The following AKAP9 variants were observed in gnomAD, a reference collection of about 807,000 sequenced individuals.
AKAP9 encodes A-kinase anchor protein 9.
A neutral mutation model predicts 488.5 loss-of-function variants in AKAP9; 311 were observed. The observed-to-expected ratio is 0.64, with a 90% CI of 0.58 to 0.70. The LOEUF (loss-of-function observed/expected upper bound fraction) is 0.70, where lower values mean the gene tolerates loss of function less well. Among genes scored for constraint, AKAP9 ranks in the 30% least tolerant of loss-of-function variants. AKAP9 has a pLI of 0.00. For missense variants in AKAP9, 4,215 were observed against 4,374.5 expected, an observed-to-expected ratio of 0.96 and a Z score of 1.03; for synonymous variants, 1,462 against 1,483.5, an observed-to-expected ratio of 0.99 and a Z score of 0.33.
chr7:92,104,193 T>TATTTATTTATTTA (rs34894824), intron 46 of AKAP9, among the ~76,000 whole-genome samples: 31 of 136,602 alleles, frequency 2.3e-4, no homozygotes, highest in African/African-American at 8.4e-4. Context: ...TTTATTTATT[T>TATTTATTTATTTA]TTTTTTTTTT....
chr7:91,940,933 C>A lies in AKAP9; in HGVS notation c.-167C>A, dbSNP rs1790663307. On this transcript the variant is annotated 5_prime_UTR_variant, in exon 1 of 50. Coordinates refer to ENST00000356239, the MANE Select transcript of AKAP9 (RefSeq NM_005751.5). The stretch of plus-strand genomic sequence containing the variant: ...GCTTCCCGTGCGGCTGAGGACGATC[C>A]GCCAGTGAGCGCGGAGACTGCTTCC... 5.4e-6 allele frequency: 4 copies of A among 744,676 alleles called. No individual in the cohort carries two copies. The highest frequency in any genetic ancestry group is 3.5e-5 in the African/African-American group (2 of 57,692). 46.1% of individuals were successfully genotyped at this position (744,676 alleles called of 1,614,324 possible).
At position 92,096,887 on chromosome 7, in the gene AKAP9, C is replaced by T. The variant is rs779243745; in HGVS notation, c.9928C>T (p.Arg3310Trp). ...TCTTGAATCTGAGAAAGTTCGAATT[C>T]GGGAAATGAGTAGTACCCTAGATAG... ...VLLESEKVRI[R>W]EMSSTLDRER... The change falls in exon 41 of 50, where the codon CGG (arginine) becomes TGG (tryptophan). Residue 3310 changes from arginine (R) to tryptophan (W), a missense_variant. By Grantham distance (101) the Arg-to-Trp change is moderately radical (BLOSUM62 -3). This residue lies in a region of AKAP9 where 1,476 missense variants were observed against 1,477.4 expected (regional missense o/e 1.00). Transcript: ENST00000356239. The T allele has an allele frequency of 1.2e-5, 20 of 1,614,124 alleles. No individual in the cohort carries two copies. The highest frequency in any genetic ancestry group is 3.3e-5 in the South Asian group (3 of 91,070).
At chr7:92,094,872 G>T in intron 39 of AKAP9, 151 bp from the exon 40 acceptor site, 1 of 675,192 alleles carries the variant, frequency 1.5e-6, no homozygotes. Flanking sequence ...AATTTGAAAT[G>T]AACCCCAGTC....
At chr7:92,066,885 G>A (rs886910395) in intron 26 of AKAP9, among the ~76,000 whole-genome samples, 4 of 152,070 alleles carry the variant, frequency 2.6e-5, no homozygotes. Context: ...GTCCACTCCA[G>A]TGAAGTATCC....
intron 44 of AKAP9, 104 bp from the exon 45 acceptor site, chr7:92,100,751 TG>T: frequency 7.7e-7 from 1 of 1,295,916 alleles, no homozygotes; most frequent in Non-Finnish European, 1.1e-6. Context: ...TTTGTCTGGG[TG>T]GGGTTAGAAA....
In AKAP9 at chr7:92,110,373, C is replaced by T. The variant is rs1001559287; in HGVS notation, c.*214C>T. On this transcript the variant is annotated 3_prime_UTR_variant, in exon 50 of 50. Coordinates refer to ENST00000356239, the MANE Select transcript of AKAP9 (RefSeq NM_005751.5). ...TTCATGCACAATAATTATTGAATTA[C>T]CTGTATATTTGTGGAATGCTAATTT... The T allele has an allele frequency of 1.6e-5, 9 of 546,368 alleles. No homozygotes were observed. The highest frequency in any genetic ancestry group is 9.9e-5 in the Admixed American group (3 of 30,300). The allele number at this position is 546,368 out of a possible 1,614,324, so 33.8% of individuals were successfully genotyped here.
intron 21 of AKAP9, among the ~76,000 whole-genome samples, chr7:92,045,739 A>G (rs1193021516): frequency 6.6e-6 from 1 of 151,478 alleles, no homozygotes; most frequent in Non-Finnish European, 1.5e-5. Context: ...CACAATGTGT[A>G]TGGATCCAGA....
intron 7 of AKAP9, among the ~76,000 whole-genome samples, chr7:91,998,416 C>CTGTT (rs1554402644): frequency 1.7e-5 from 1 of 57,354 alleles, no homozygotes; most frequent in Non-Finnish European, 4.1e-5. Context: ...AACCACAGGG[C>CTGTT]TCTTTTTTTT....
intron 38 of AKAP9, 190 bp downstream of exon 38, chr7:92,089,719 C>A: frequency 1.7e-6 from 1 of 584,834 alleles, no homozygotes; most frequent in Non-Finnish European, 3.0e-6. Flanking sequence ...GTTTAAACAG[C>A]TACGTTGACT....
intron 18 of AKAP9, 199 bp from the exon 19 acceptor site, chr7:92,041,847 T>TA: frequency 1.9e-6 from 1 of 528,822 alleles, no homozygotes; most frequent in Non-Finnish European, 3.3e-6. Context: ...CCTGAATATA[T>TA]AGACTTAATT....
intron 15 of AKAP9, 46 bp downstream of exon 15, chr7:92,030,037 T>C: frequency 1.6e-6 from 2 of 1,273,816 alleles, no homozygotes; most frequent in South Asian, 2.5e-5. Flanking sequence ...TATACACTGA[T>C]TTTTCTATCA....
At chr7:91,988,476 GAGAA>G (rs888608961) in intron 3 of AKAP9, among the ~76,000 whole-genome samples, 11 of 151,880 alleles carry the variant, frequency 7.2e-5, no homozygotes, top group African/African-American at 2.7e-4. Flanking sequence ...GTCTCAAAAA[GAGAA>G]AGAGAGAGAG....
At position 92,007,968 on chromosome 7, in the gene AKAP9, TAAGAA is replaced by T. The variant is rs747141068; in HGVS notation, c.3319-4457_3319-4453del. 3.3e-5 allele frequency among the ~76,000 whole-genome samples: 5 copies of T among 152,252 alleles called. No individual in the cohort carries two copies. In the East Asian group the frequency reaches 9.6e-4, roughly 29 times the overall value. On this transcript the variant is annotated intron_variant, in intron 8 of 49. Transcript: ENST00000356239. ...GCTAGAATATCAGAGCATGTAGACT[TAAGAA>T]AAGTAAAAAGAAGGAAATAATAAAG...
intron 14 of AKAP9, among the ~76,000 whole-genome samples, chr7:92,028,159 G>GGCC (rs1184300122): frequency 2.0e-5 from 3 of 151,922 alleles, no homozygotes; most frequent in Admixed American, 1.3e-4. Flanking sequence ...CACTGCGGAA[G>GGCC]GCCGCAGGGT....
intron 3 of AKAP9, among the ~76,000 whole-genome samples, chr7:91,982,529 T>C (rs1480146535): frequency 6.6e-6 from 1 of 152,206 alleles, no homozygotes; most frequent in East Asian, 1.9e-4. Flanking sequence ...ACTCATCCTT[T>C]TTTATGGCTG....
chr7:92,077,289 CA>C (rs929374001), intron 29 of AKAP9, among the ~76,000 whole-genome samples: 21 of 151,780 alleles, frequency 1.4e-4, no homozygotes, highest in Non-Finnish European at 1.5e-5. Context: ...GATGGGGTTT[CA>C]CCGTGTTAGC....
Position 92,102,686 on chromosome 7 carries a change from G to C in AKAP9, c.11190G>C (p.Gln3730His). The C allele has an allele frequency of 6.2e-7, 1 of 1,614,232 alleles. No individual in the cohort carries two copies. Among genetic ancestry groups the C allele is most frequent in the Non-Finnish European group, 8.5e-7 (1 of 1,180,042 alleles). The change falls in exon 46 of 50, where the codon CAG (glutamine) becomes CAC (histidine). Residue 3730 changes from glutamine (Q) to histidine (H), a missense_variant. By Grantham distance (24) the Gln-to-His change is conservative. Transcript: ENST00000356239. ...KYLLLLLGGF[Q>H]ECEDATLALL... is the part of the protein sequence containing the mutation. Reference sequence around the variant, plus strand: ...TGCTGCTGTTACTGGGTGGGTTCCAGGAATGTGAAGATGCCACCTTGGCCC... The same window carrying C: ...TGCTGCTGTTACTGGGTGGGTTCCACGAATGTGAAGATGCCACCTTGGCCC...
At chr7:92,107,269 A>G (rs1818664526) in intron 47 of AKAP9, 24 bp from the exon 48 acceptor site, 1 of 1,612,838 alleles carries the variant, frequency 6.2e-7, no homozygotes. Context: ...TTTTCTTTAC[A>G]AGGAATATTT....
At chr7:91,976,597 A>C (rs944098470) in intron 2 of AKAP9, among the ~76,000 whole-genome samples, 34 of 152,350 alleles carry the variant, frequency 2.2e-4, no homozygotes, top group Admixed American at 8.5e-4. Flanking sequence ...AACCATCACT[A>C]GGGACAAAAG....
Sources: gnomAD v4.1 joint callset for allele counts (sites outside exome capture counted in the v4.1 genomes callset) on GRCh38, gnomAD v4.1.1 for gene constraint, gnomAD v4.1.1 regional missense constraint, MANE v1.5 for transcripts, NCBI Gene and HGNC (gene_info 2026-07-23, HGNC 2026-07-21) for gene names.